Variants in PTCHD1 observed in about 807,000 individuals in gnomAD.
The protein encoded by PTCHD1 is patched domain containing 1.
A neutral mutation model predicts 34.6 loss-of-function variants in PTCHD1; 3 were observed. The observed-to-expected ratio is 0.09, with a 90% CI of 0.04 to 0.22. The LOEUF (loss-of-function observed/expected upper bound fraction) is 0.22. Among genes scored for constraint, PTCHD1 ranks in the 10% least tolerant of loss-of-function variants. The pLI is 1.00. For missense variants in PTCHD1, 504 were observed against 685.5 expected, an observed-to-expected ratio of 0.74 and a Z score of 2.96; for synonymous variants, 305 against 283.1, an observed-to-expected ratio of 1.08 and a Z score of -0.77.
intron 1 of PTCHD1, among the ~76,000 whole-genome samples, chrX:23,348,470 A>C (rs1657251092): frequency 9.0e-6 from 1 of 111,468 alleles, no homozygotes; most frequent in South Asian, 3.8e-4. Context: ...ACAGATAAGT[A>C]CTCATAAAAC....
intron 2 of PTCHD1, among the ~76,000 whole-genome samples, chrX:23,388,478 C>CCTA (rs1922738125): frequency 8.9e-6 from 1 of 112,192 alleles, no homozygotes; most frequent in Admixed American, 9.4e-5. Flanking sequence ...TATCTGTTTG[C>CCTA]CTACGTCTGT....
In PTCHD1 at chrX:23,393,418, A is replaced by G; in HGVS notation, c.1900A>G (p.Lys634Glu). 2 of 1,210,882 alleles carry G rather than the reference A, an allele frequency of 1.7e-6. No homozygotes were observed. The highest frequency in any genetic ancestry group is 1.8e-5 in the South Asian group (1 of 56,970). ...TTTTCAAGAGGACATCATCTTCTCT[A>G]AAAAATACAATGATGAGGTCGATGT... ...SHFQEDIIFS[K>E]KYNDEVDVVA... The change falls in exon 3 of 3, where the codon AAA (lysine) becomes GAA (glutamate). Residue 634 changes from lysine (K) to glutamate (E), a missense_variant. Transcript: ENST00000379361.
chrX:23,367,040 T>C (rs1189017721), intron 1 of PTCHD1, among the ~76,000 whole-genome samples: 1 of 110,996 alleles, frequency 9.0e-6, no homozygotes, highest in Non-Finnish European at 1.9e-5. Flanking sequence ...ATCATAGCAC[T>C]GTAACACTCA....
At chrX:23,367,712 CAA>C (rs1005912857) in intron 1 of PTCHD1, among the ~76,000 whole-genome samples, 10 of 111,387 alleles carry the variant, frequency 9.0e-5, no homozygotes, top group African/African-American at 2.9e-4. Context: ...TGATTACAGA[CAA>C]GAGGAGTTTT....
chrX:23,393,569 C>T lies in PTCHD1; in HGVS notation c.2051C>T (p.Pro684Leu), dbSNP rs1470224216. ...TSKVKFIVFN[P>L]SFVYMDRYAS... ...AAGGTGAAGTTCATCGTCTTCAATC[C>T]GTCCTTTGTATACATGGATCGATAT... The change falls in exon 3 of 3, where the codon CCG becomes CTG. Residue 684 changes from proline (P) to leucine (L), a missense_variant. By Grantham distance (98) the Pro-to-Leu change is moderately conservative. Coordinates refer to ENST00000379361, the MANE Select transcript of PTCHD1 (RefSeq NM_173495.3). 1 of 1,210,958 alleles carries T rather than the reference C, an allele frequency of 8.3e-7. No homozygotes were observed. The highest frequency in any genetic ancestry group is 1.1e-6 in the Non-Finnish European group (1 of 894,829).
rs150158002 is a variant in PTCHD1 at position 23,370,017 on chromosome X, C to G, written c.352-9574C>G. ...GAAAAGAAAGTTGAAGTAGACAAGA[C>G]ACAACAGAAGATAGAAATGGGGTTT... On this transcript the variant is annotated intron_variant, in intron 1 of 2. Coordinates refer to ENST00000379361, the MANE Select transcript of PTCHD1 (RefSeq NM_173495.3). 8.3e-3 allele frequency among the ~76,000 whole-genome samples: 928 copies of G among 112,428 alleles called. 18 individuals carry two copies. Among genetic ancestry groups the G allele is most frequent in the African/African-American group, 0.029 (887 of 30,964 alleles).
chrX:23,393,993 G>A lies in PTCHD1; in HGVS notation c.2475G>A (p.Arg825=), dbSNP rs200798672. The change falls in exon 3 of 3, where the codon AGG becomes AGA. Residue 825 remains arginine (R), a synonymous_variant. Transcript: ENST00000379361. The part of the protein sequence containing the change: ...VPSNLTCTLF[R]CLFLIAFVTF... ...CAAATCTGACCTGTACACTGTTCAGGTGCTTGTTTTTAATAGCATTTGTCA... is the reference window on the plus strand; with the variant it reads ...CAAATCTGACCTGTACACTGTTCAGATGCTTGTTTTTAATAGCATTTGTCA... 16 of 1,208,346 alleles carry A rather than the reference G, an allele frequency of 1.3e-5. No homozygotes were observed. The East Asian group carries it at 4.7e-4, about 36-fold the overall frequency.
Position 23,394,294 on chromosome X carries a change from G to C in PTCHD1, c.*109G>C. ...TTCCCTTTTTTAAAGATAGGAAACA[G>C]GCATTGCCAAAAAAAAAAAAAAAAA... On this transcript the variant is annotated 3_prime_UTR_variant, in exon 3 of 3. Transcript: ENST00000379361. 3.2e-6 allele frequency: 1 copy of C among 312,473 alleles called. No individual in the cohort carries two copies. Among genetic ancestry groups the C allele is most frequent in the Non-Finnish European group, 5.0e-6 (1 of 199,269 alleles). 25.8% of individuals were successfully genotyped at this position (312,473 alleles called of 1,213,427 possible).
At chrX:23,380,406 A>G in intron 2 of PTCHD1, 155 bp downstream of exon 2, 1 of 553,929 alleles carries the variant, frequency 1.8e-6, no homozygotes, top group South Asian at 2.4e-5. Flanking sequence ...AGTGCTGGTA[A>G]TCAGCAAAAA....
chrX:23,401,319 A>AT lies in PTCHD1; in HGVS notation c.*7138dup, dbSNP rs1433761668. The AT allele has an allele frequency of 8.9e-6, 1 of 111,930 alleles. No individual in the cohort carries two copies. Among genetic ancestry groups the AT allele is most frequent in the Non-Finnish European group, 1.9e-5 (1 of 53,159 alleles). The allele number at this position is 111,930 out of a possible 1,213,427, so 9.2% of individuals were successfully genotyped here. A position where few individuals can be genotyped will look rare whatever the true frequency, so the allele number is the denominator to read the frequency against. Reference sequence around the variant, plus strand: ...TCTCTTTGACAAAACAATTTCCTTAATTTTCTAGGATGAATCTTGAACATG... The same window carrying AT: ...TCTCTTTGACAAAACAATTTCCTTAATTTTTCTAGGATGAATCTTGAACATG... On this transcript the variant is annotated 3_prime_UTR_variant, in exon 3 of 3. Coordinates refer to ENST00000379361, the MANE Select transcript of PTCHD1 (RefSeq NM_173495.3).
intron 2 of PTCHD1, among the ~76,000 whole-genome samples, chrX:23,390,798 T>G (rs992838073): frequency 6.2e-5 from 7 of 112,414 alleles, no homozygotes; most frequent in African/African-American, 2.3e-4. Flanking sequence ...TGAGGGAAGA[T>G]GTACACCTAG....
At chrX:23,379,121 G>C (rs1314718598) in intron 1 of PTCHD1, among the ~76,000 whole-genome samples, 1 of 112,437 alleles carries the variant, frequency 8.9e-6, no homozygotes, top group Non-Finnish European at 1.9e-5. Flanking sequence ...TTGCACCTTA[G>C]TTCACTTTCT....
chrX:23,376,397 G>A (rs148489937), intron 1 of PTCHD1, among the ~76,000 whole-genome samples: 139 of 112,282 alleles, frequency 1.2e-3, no homozygotes, highest in Middle Eastern at 4.6e-3. Context: ...ATTATCTGAA[G>A]CATAGCTTCA....
At chrX:23,348,857 TAGAG>T (rs1921550751) in intron 1 of PTCHD1, among the ~76,000 whole-genome samples, 1 of 111,730 alleles carries the variant, frequency 9.0e-6, no homozygotes, top group Non-Finnish European at 1.9e-5. Context: ...AGAAGAGTAT[TAGAG>T]AAGGAATAAA....
chrX:23,380,411 C>CA (rs1407927043), intron 2 of PTCHD1, 160 bp downstream of exon 2: 6 of 529,700 alleles, frequency 1.1e-5, no homozygotes, highest in Admixed American at 1.1e-4. Context: ...TGGTAATCAG[C>CA]AAAAAACAAC....
chrX:23,386,121 T>A (rs188934869), intron 2 of PTCHD1, among the ~76,000 whole-genome samples: 2 of 111,622 alleles, frequency 1.8e-5, no homozygotes, highest in African/African-American at 6.5e-5. Context: ...TATATCACAT[T>A]TGTATTCTAT....
chrX:23,358,883 C>T (rs749700367), intron 1 of PTCHD1, among the ~76,000 whole-genome samples: 1 of 111,968 alleles, frequency 8.9e-6, no homozygotes, highest in African/African-American at 3.2e-5. Context: ...CAGTTTTCCC[C>T]GCACCATTTA....
intron 1 of PTCHD1, among the ~76,000 whole-genome samples, chrX:23,360,041 T>C (rs1391427163): frequency 1.3e-4 from 15 of 112,144 alleles, no homozygotes; most frequent in African/African-American, 4.5e-4. Context: ...TGCTGCTAGA[T>C]TCAGTTTACT....
chrX:23,342,568 T>A (rs1027932497), intron 1 of PTCHD1, among the ~76,000 whole-genome samples: 15 of 109,735 alleles, frequency 1.4e-4, no homozygotes, highest in Non-Finnish European at 1.9e-5. Context: ...CAGTTAAGAA[T>A]CATCCAGCAT....
Sources: gnomAD v4.1 joint callset for allele counts (sites outside exome capture counted in the v4.1 genomes callset) on GRCh38, gnomAD v4.1.1 for gene constraint, MANE v1.5 for transcripts, NCBI Gene and HGNC (gene_info 2026-07-23, HGNC 2026-07-21) for gene names.